SLC26A7: variants seen among roughly 807,000 people sequenced by gnomAD.
SLC26A7 encodes solute carrier family 26 member 7, also known as anion exchange transporter.
Under a neutral mutation model 82.5 loss-of-function variants are expected in SLC26A7, and 59 were observed. The ratio of observed to expected loss-of-function variants is 0.72; its 90% CI spans 0.58 to 0.89. The LOEUF is 0.89. SLC26A7 is among the 40% of genes least tolerant of loss of function. The pLI is 0.00. For synonymous variants in SLC26A7, 271 were observed against 274.3 expected, an observed-to-expected ratio of 0.99 and a Z score of 0.12; for missense variants, 820 against 793.0, an observed-to-expected ratio of 1.03 and a Z score of -0.41.
intron 18 of SLC26A7, 60 bp downstream of exon 18, chr8:91,394,099 C>T (rs922001697): frequency 5.7e-6 from 9 of 1,587,378 alleles, no homozygotes; most frequent in South Asian, 1.1e-5. Context: ...AGAATCGAAG[C>T]TTTGCATCTT....
At chr8:91,274,112 GA>G (rs1268762096) in intron 2 of SLC26A7, among the ~76,000 whole-genome samples, 2 of 152,116 alleles carry the variant, frequency 1.3e-5, no homozygotes, top group African/African-American at 4.8e-5. Context: ...GAGTTACTTT[GA>G]AAAACAAATG....
Position 91,318,312 on chromosome 8 carries a change from A to G in SLC26A7, c.574A>G (p.Thr192Ala), listed in dbSNP as rs1464895991. ...MTTGAATHVV[T>A]SQVKYLLGMK... Reference sequence around the variant, plus strand: ...AACTGGGGCTGCCACCCATGTGGTGACTTCACAAGTCAAATATCTCTTGGG... The same window carrying G: ...AACTGGGGCTGCCACCCATGTGGTGGCTTCACAAGTCAAATATCTCTTGGG... The change falls in exon 5 of 19, where the codon ACT (threonine) becomes GCT (alanine). Residue 192 changes from threonine to alanine, a missense_variant. Thr to Ala is a moderately conservative substitution (Grantham distance 58). Coordinates refer to ENST00000276609, the MANE Select transcript of SLC26A7 (RefSeq NM_052832.4). 6 of 1,612,516 alleles carry G rather than the reference A, an allele frequency of 3.7e-6. No individual in the cohort carries two copies. The highest frequency in any genetic ancestry group is 5.1e-6 in the Non-Finnish European group (6 of 1,179,210).
intron 2 of SLC26A7, among the ~76,000 whole-genome samples, chr8:91,265,214 A>G (rs561596757): frequency 2.0e-5 from 3 of 152,212 alleles, no homozygotes; most frequent in African/African-American, 7.2e-5. Context: ...TACAAATGAC[A>G]GGATTTTATT....
At chr8:91,307,114 A>G (rs1812331520) in intron 4 of SLC26A7, among the ~76,000 whole-genome samples, 1 of 135,082 alleles carries the variant, frequency 7.4e-6, no homozygotes, top group Non-Finnish European at 1.6e-5. Context: ...ATCTCACACC[A>G]GTTAGAATGG....
At chr8:91,224,551 G>A (rs372241312) in intron 2 of SLC26A7, among the ~76,000 whole-genome samples, 70 of 152,282 alleles carry the variant, frequency 4.6e-4, no homozygotes, top group East Asian at 5.8e-4. Flanking sequence ...GCAAAGATGG[G>A]TGTCTCCTCC....
At chr8:91,273,643 T>C (rs1350200245) in intron 2 of SLC26A7, among the ~76,000 whole-genome samples, 1 of 152,190 alleles carries the variant, frequency 6.6e-6, no homozygotes, top group East Asian at 1.9e-4. Flanking sequence ...AAAATATGCT[T>C]AGTGACAAAA....
intron 2 of SLC26A7, among the ~76,000 whole-genome samples, chr8:91,266,120 G>A (rs1811105591): frequency 6.6e-6 from 1 of 151,824 alleles, no homozygotes; most frequent in African/African-American, 2.4e-5. Context: ...TGTATATTAT[G>A]TTGTTTTGGT....
At chr8:91,260,529 T>G (rs538215503) in intron 2 of SLC26A7, among the ~76,000 whole-genome samples, 1 of 152,242 alleles carries the variant, frequency 6.6e-6, no homozygotes, top group African/African-American at 2.4e-5. Context: ...CTGAAAGTCC[T>G]GAGTTCCAGG....
chr8:91,245,396 A>T (rs1413537894), upstream of SLC26A7, among the ~76,000 whole-genome samples: 1 of 152,174 alleles, frequency 6.6e-6, no homozygotes, highest in Non-Finnish European at 1.5e-5. Flanking sequence ...GTAAATTAAG[A>T]AAAAAAGTAC....
At chr8:91,252,464 T>C (rs1810685423) in intron 2 of SLC26A7, among the ~76,000 whole-genome samples, 1 of 152,088 alleles carries the variant, frequency 6.6e-6, no homozygotes, top group Admixed American at 6.6e-5. Context: ...ACAGTCTTTC[T>C]GAAATCCCTT....
At chr8:91,395,030 G>A (rs1808530672) in intron 18 of SLC26A7, 32 bp from the exon 19 acceptor site, 1 of 1,598,284 alleles carries the variant, frequency 6.3e-7, no homozygotes, top group African/African-American at 1.3e-5. Flanking sequence ...TGAGTAAATA[G>A]CACATACTTA....
chr8:91,304,489 C>T (rs537961947), intron 4 of SLC26A7, among the ~76,000 whole-genome samples: 5 of 152,330 alleles, frequency 3.3e-5, no homozygotes, highest in African/African-American at 1.2e-4. Context: ...CATCCTCAGC[C>T]ATACTACCTG....
intron 4 of SLC26A7, among the ~76,000 whole-genome samples, chr8:91,295,973 A>T (rs1353036008): frequency 6.6e-6 from 1 of 152,224 alleles, no homozygotes; most frequent in Admixed American, 6.5e-5. Flanking sequence ...AGAAAATGGA[A>T]TGAGCTTCCT....
intron 13 of SLC26A7, among the ~76,000 whole-genome samples, chr8:91,365,780 G>A (rs916175664): frequency 3.9e-5 from 6 of 151,950 alleles, no homozygotes; most frequent in Non-Finnish European, 7.4e-5. Context: ...TGTATGCATC[G>A]CTATTCTTTG....
At chr8:91,217,698 A>G (rs1810078846) in intron 1 of SLC26A7, among the ~76,000 whole-genome samples, 1 of 152,194 alleles carries the variant, frequency 6.6e-6, no homozygotes, top group South Asian at 2.1e-4. Context: ...GCCCAAAGGA[A>G]AAACAGGGCT....
intron 4 of SLC26A7, among the ~76,000 whole-genome samples, chr8:91,308,767 T>C (rs1278352514): frequency 3.9e-5 from 6 of 152,210 alleles, no homozygotes; most frequent in Non-Finnish European, 8.8e-5. Context: ...TCTTTGGTTA[T>C]AATCCAATAC....
chr8:91,300,885 G>A (rs1344500324), intron 4 of SLC26A7, among the ~76,000 whole-genome samples: 2 of 152,086 alleles, frequency 1.3e-5, no homozygotes, highest in East Asian at 1.9e-4. Flanking sequence ...CATGAATAAA[G>A]TTTATATGTC....
chr8:91,358,520 C>G (rs534975350), intron 11 of SLC26A7, among the ~76,000 whole-genome samples: 1 of 151,628 alleles, frequency 6.6e-6, no homozygotes, highest in Non-Finnish European at 1.5e-5. Flanking sequence ...TTAGTAGAGA[C>G]GGGGTTTCTC....
At chr8:91,349,753 T>G (rs1813662419) in intron 9 of SLC26A7, among the ~76,000 whole-genome samples, 1 of 152,164 alleles carries the variant, frequency 6.6e-6, no homozygotes, top group Admixed American at 6.6e-5. Flanking sequence ...TCAGGTACAT[T>G]GTAAAGATAT....
Sources: allele counts gnomAD v4.1 joint callset (sites outside exome capture counted in the v4.1 genomes callset), GRCh38; gene constraint gnomAD v4.1.1; transcripts MANE v1.5; gene names NCBI Gene and HGNC (gene_info 2026-07-23, HGNC 2026-07-21).